The following GMEB1 variants were observed in gnomAD, a reference collection of about 807,000 sequenced individuals.
GMEB1 encodes glucocorticoid modulatory element binding protein 1, also known as glucocorticoid modulatory element-binding protein 1.
Under a neutral mutation model 52.4 loss-of-function variants are expected in GMEB1, and 6 were observed. The observed-to-expected ratio is 0.11, with a 90% CI of 0.06 to 0.23. The LOEUF (loss-of-function observed/expected upper bound fraction) is 0.23. GMEB1 is among the 10% of genes least tolerant of loss of function. GMEB1 has a pLI of 1.00. For missense variants in GMEB1, 486 were observed against 685.6 expected (o/e 0.71, Z 3.25); for synonymous variants, 255 against 244.9 (o/e 1.04, Z -0.38).
chr1:28,674,402 A>G (rs1478902737), intron 1 of GMEB1, among the ~76,000 whole-genome samples: 5 of 151,958 alleles, frequency 3.3e-5, no homozygotes, highest in Non-Finnish European at 7.4e-5. Flanking sequence ...TTATTTATTT[A>G]TTTATTTATT....
chr1:28,695,871 G>A (rs1455350177), intron 5 of GMEB1, among the ~76,000 whole-genome samples: 3 of 127,422 alleles, frequency 2.4e-5, no homozygotes, highest in South Asian at 2.6e-4. Flanking sequence ...CCCGGGAGGC[G>A]GAGCTTGCAG....
intron 2 of GMEB1, among the ~76,000 whole-genome samples, chr1:28,687,562 T>A (rs1254692521): frequency 6.6e-6 from 1 of 152,046 alleles, no homozygotes; most frequent in East Asian, 1.9e-4. Flanking sequence ...GAAGCTTAAA[T>A]ATCATACAAA....
At position 28,716,353 on chromosome 1, in the gene GMEB1, G is replaced by T. The variant is rs955281040; in HGVS notation, c.*1580G>T. On this transcript the variant is annotated 3_prime_UTR_variant, in exon 10 of 10. Coordinates refer to ENST00000373816, the MANE Select transcript of GMEB1 (RefSeq NM_001319674.2). ...AGGGAGTTCCTCAATGAAACCAGCT[G>T]CCTTTTTTGGTGGGGCCATTTTTTT... 1 of 152,156 alleles carries T rather than the reference G, an allele frequency of 6.6e-6. No homozygotes were observed. The allele number at this position is 152,156 out of a possible 1,614,324, so 9.4% of individuals were successfully genotyped here. A position where few individuals can be genotyped will look rare whatever the true frequency, so the allele number is the denominator to read the frequency against.
chr1:28,672,905 A>ATT lies in GMEB1; in HGVS notation c.-31+4078_-31+4079dup, dbSNP rs879293036. 3.7e-5 allele frequency among the ~76,000 whole-genome samples: 5 copies of ATT among 136,376 alleles called. No homozygotes were observed. In the South Asian group the frequency reaches 6.9e-4, roughly 19 times the overall value. The allele number at this position is 136,376 out of a possible 152,430, so 89.5% of individuals were successfully genotyped here. Reference sequence around the variant, plus strand: ...AGGCACATGCCACCATGCCCAGATAATTTTTTTTTTTTTGAGTTTTGCTCT... The same window carrying ATT: ...AGGCACATGCCACCATGCCCAGATAATTTTTTTTTTTTTTTGAGTTTTGCTCT... On this transcript the variant is annotated intron_variant, in intron 1 of 9. Coordinates refer to ENST00000373816, the MANE Select transcript of GMEB1 (RefSeq NM_001319674.2).
intron 1 of GMEB1, among the ~76,000 whole-genome samples, chr1:28,679,139 C>T (rs1445147908): frequency 6.6e-6 from 1 of 151,674 alleles, no homozygotes; most frequent in Non-Finnish European, 1.5e-5. Context: ...CCGTCTCGAC[C>T]TCCCAAAATG....
chr1:28,696,984 T>C lies in GMEB1; in HGVS notation c.498T>C (p.Asn166=). The C allele has an allele frequency of 6.2e-7, 1 of 1,610,628 alleles. No homozygotes were observed. Among genetic ancestry groups the C allele is most frequent in the South Asian group, 1.1e-5 (1 of 90,676 alleles). The change falls in exon 6 of 10, where the codon AAT becomes AAC. Residue 166 remains asparagine, a synonymous_variant. Coordinates refer to ENST00000373816, the MANE Select transcript of GMEB1 (RefSeq NM_001319674.2). ...DFYQHDKVCS[N]TCRSTKFDLL... Reference sequence around the variant, plus strand: ...ACCAACATGACAAAGTTTGCTCCAATACCTGCAGAAGCACCAAATTTGATC... The same window carrying C: ...ACCAACATGACAAAGTTTGCTCCAACACCTGCAGAAGCACCAAATTTGATC...
intron 1 of GMEB1, among the ~76,000 whole-genome samples, chr1:28,681,081 T>C (rs145690032): frequency 6.3e-4 from 96 of 152,050 alleles, no homozygotes; most frequent in African/African-American, 2.2e-3. Flanking sequence ...TCCTTGCTTT[T>C]CCAGGACGTA....
At chr1:28,672,488 G>A (rs899207543) in intron 1 of GMEB1, among the ~76,000 whole-genome samples, 4 of 151,436 alleles carry the variant, frequency 2.6e-5, no homozygotes, top group African/African-American at 9.7e-5. Context: ...CTCCCAAAGT[G>A]CTGGGATTAC....
chr1:28,710,388 G>T (rs1670992742), intron 8 of GMEB1, 132 bp from the exon 9 acceptor site: 2 of 531,232 alleles, frequency 3.8e-6, no homozygotes, highest in African/African-American at 2.0e-5. Context: ...ATAAATCTTT[G>T]TTAAAAATGT....
chr1:28,675,727 A>G (rs1669124908), intron 1 of GMEB1, among the ~76,000 whole-genome samples: 1 of 151,986 alleles, frequency 6.6e-6, no homozygotes, highest in Non-Finnish European at 1.5e-5. Flanking sequence ...TTAAAAAAAG[A>G]AAAAAGAATT....
chr1:28,709,504 TA>T (rs1480079262), intron 8 of GMEB1, among the ~76,000 whole-genome samples: 3 of 152,082 alleles, frequency 2.0e-5, no homozygotes, highest in African/African-American at 4.8e-5. Context: ...AGATGAACGT[TA>T]ACTCTATCTA....
intron 9 of GMEB1, among the ~76,000 whole-genome samples, chr1:28,711,362 CT>C (rs1401178204): frequency 1.3e-5 from 2 of 151,548 alleles, no homozygotes; most frequent in East Asian, 3.9e-4. Context: ...CTTTTGGTCC[CT>C]TGTGTGTATT....
chr1:28,697,096 G>A lies in GMEB1; in HGVS notation c.598+12G>A. ...CACTTCGGCTGATGGTAGGGGGTAGGAAACCACCTGAAAACCCATTGTGTT... is the reference window on the plus strand; with the variant it reads ...CACTTCGGCTGATGGTAGGGGGTAGAAAACCACCTGAAAACCCATTGTGTT... On this transcript the variant is annotated intron_variant, in intron 6 of 9. Transcript: ENST00000373816. The A allele has an allele frequency of 6.4e-7, 1 of 1,562,462 alleles. No individual in the cohort carries two copies. The highest frequency in any genetic ancestry group is 8.7e-7 in the Non-Finnish European group (1 of 1,151,782).
chr1:28,683,545 A>T, intron 1 of GMEB1, 38 bp from the exon 2 acceptor site: 1 of 1,521,324 alleles, frequency 6.6e-7, no homozygotes, highest in South Asian at 1.3e-5. Context: ...CATCTTTTTA[A>T]ACCAGATTAA....
intron 6 of GMEB1, among the ~76,000 whole-genome samples, chr1:28,698,131 C>A (rs1009401963): frequency 6.6e-6 from 1 of 151,444 alleles, no homozygotes; most frequent in Non-Finnish European, 1.5e-5. Context: ...CAGAGTGAGA[C>A]TCCGTCTCAA....
At chr1:28,699,122 A>G (rs1430469362) in intron 6 of GMEB1, among the ~76,000 whole-genome samples, 1 of 152,214 alleles carries the variant, frequency 6.6e-6, no homozygotes, top group Non-Finnish European at 1.5e-5. Context: ...TGGATACCCC[A>G]CTGTAATGAT....
At chr1:28,682,448 C>T (rs1049475981) in intron 1 of GMEB1, among the ~76,000 whole-genome samples, 1 of 151,672 alleles carries the variant, frequency 6.6e-6, no homozygotes, top group African/African-American at 2.4e-5. Context: ...GGTGAAATCC[C>T]GTCTGTACTA....
intron 8 of GMEB1, among the ~76,000 whole-genome samples, chr1:28,709,656 C>T (rs969554222): frequency 6.6e-6 from 1 of 152,100 alleles, no homozygotes; most frequent in East Asian, 1.9e-4. Flanking sequence ...TTCACTGTAA[C>T]GTCTGCCTCC....
chr1:28,700,663 C>T (rs907018731), intron 6 of GMEB1, among the ~76,000 whole-genome samples: 1 of 147,178 alleles, frequency 6.8e-6, no homozygotes, highest in East Asian at 2.0e-4. Context: ...TCAGCCTGGG[C>T]AACAAAGTGA....
Sources: allele counts gnomAD v4.1 joint callset (sites outside exome capture counted in the v4.1 genomes callset), GRCh38; gene constraint gnomAD v4.1.1; transcripts MANE v1.5; gene names NCBI Gene and HGNC (gene_info 2026-07-23, HGNC 2026-07-21).